Variants in PRKN observed in about 807,000 individuals in gnomAD.
PRKN encodes the protein parkin RBR E3 ubiquitin protein ligase.
PRKN carries 56 observed loss-of-function variants against 59.5 expected under a neutral mutation model. That is an observed-to-expected ratio of 0.94 (90% CI 0.76 to 1.18). The LOEUF is 1.18. PRKN is among the 50% of genes most tolerant of loss of function. The probability of loss-of-function intolerance (pLI) is 0.00; values close to 1 mark genes in which losing one functional copy is unlikely to be tolerated. For synonymous variants in PRKN, 250 were observed against 222.1 expected (o/e 1.13, Z -1.12); for missense variants, 657 against 596.4 (o/e 1.10, Z -1.06).
intron 5 of PRKN, among the ~76,000 whole-genome samples, chr6:161,991,139 C>A (rs918396840): frequency 5.9e-5 from 9 of 152,112 alleles, no homozygotes; most frequent in Non-Finnish European, 1.5e-5. Flanking sequence ...GAATATTCTA[C>A]CAACAAAGCT....
rs568566675 is a variant in PRKN at position 162,620,293 on chromosome 6, C to T, written c.7+107369G>A. Among the ~76,000 whole-genome samples, 7 of 152,214 alleles carry T rather than the reference C, an allele frequency of 4.6e-5. No individual in the cohort carries two copies. The East Asian group carries it at 1.2e-3, about 25-fold the overall frequency. On this transcript the variant is annotated intron_variant, in intron 1 of 11. Transcript: ENST00000366898. ...TTTCAGTGAAAATGAGGAACTGCTG[C>T]GTAGACACTTGATTCCACTTTTTCC... is the stretch of plus-strand genomic sequence containing the variant.
At chr6:162,135,018 AAC>A (rs1380831220) in intron 4 of PRKN, among the ~76,000 whole-genome samples, 2 of 152,224 alleles carry the variant, frequency 1.3e-5, no homozygotes, top group African/African-American at 2.4e-5. Context: ...AACTGGGAAT[AAC>A]ACAGAGCATC....
At chr6:162,414,019 T>TA (rs1487639442) in intron 2 of PRKN, among the ~76,000 whole-genome samples, 14 of 151,932 alleles carry the variant, frequency 9.2e-5, no homozygotes, top group African/African-American at 2.9e-4. Context: ...CTGTCTCTAC[T>TA]AAAAATACAA....
intron 7 of PRKN, among the ~76,000 whole-genome samples, chr6:161,611,387 C>A (rs958888218): frequency 1.3e-5 from 2 of 152,224 alleles, no homozygotes; most frequent in African/African-American, 4.8e-5. Context: ...GGCAACCCTG[C>A]ATCGAGCAAG....
At chr6:161,771,511 C>T (rs1474824629) in intron 7 of PRKN, among the ~76,000 whole-genome samples, 1 of 152,032 alleles carries the variant, frequency 6.6e-6, no homozygotes, top group Non-Finnish European at 1.5e-5. Flanking sequence ...GAATGCTGTT[C>T]TTATTCCTCC....
At chr6:162,372,007 G>A (rs1583455674) in intron 2 of PRKN, among the ~76,000 whole-genome samples, 1 of 152,176 alleles carries the variant, frequency 6.6e-6, no homozygotes, top group East Asian at 1.9e-4. Flanking sequence ...TCTTCAAGAA[G>A]ATGGAGCTGC....
At chr6:161,995,454 A>C (rs538814685) in intron 5 of PRKN, among the ~76,000 whole-genome samples, 1 of 152,284 alleles carries the variant, frequency 6.6e-6, no homozygotes, top group South Asian at 2.1e-4. Flanking sequence ...AGCAAAGGAA[A>C]CAATCAACAG....
At chr6:162,409,978 GAA>G (rs943390348) in intron 2 of PRKN, among the ~76,000 whole-genome samples, 1 of 152,122 alleles carries the variant, frequency 6.6e-6, no homozygotes, top group African/African-American at 2.4e-5. Context: ...TTCCACCAGT[GAA>G]AAAAGTTTTC....
intron 1 of PRKN, among the ~76,000 whole-genome samples, chr6:162,444,515 C>A (rs1790216432): frequency 6.6e-6 from 1 of 151,884 alleles, no homozygotes; most frequent in Admixed American, 6.6e-5. Context: ...CAAAAAACTG[C>A]TGCACACAAC....
intron 7 of PRKN, among the ~76,000 whole-genome samples, chr6:161,746,144 C>T (rs562209458): frequency 1.3e-5 from 2 of 152,310 alleles, no homozygotes; most frequent in African/African-American, 4.8e-5. Flanking sequence ...GAAATAAGGG[C>T]CTGGGTGCCC....
At chr6:161,517,469 G>C (rs2115349348) in intron 9 of PRKN, among the ~76,000 whole-genome samples, 1 of 152,070 alleles carries the variant, frequency 6.6e-6, no homozygotes, top group East Asian at 1.9e-4. Flanking sequence ...GGCCGGGCGT[G>C]GTGGCTCACA....
chr6:161,605,668 C>T (rs552850873), intron 7 of PRKN, among the ~76,000 whole-genome samples: 12 of 152,152 alleles, frequency 7.9e-5, no homozygotes, highest in African/African-American at 1.9e-4. Context: ...CGTGCCACCA[C>T]GCCCAGGTAA....
Position 161,581,041 on chromosome 6 carries a change from AACACAC to A in PRKN, c.872-11631_872-11626del, listed in dbSNP as rs71004055. Among the ~76,000 whole-genome samples, 121 of 137,622 alleles carry A rather than the reference AACACAC, an allele frequency of 8.8e-4. No homozygotes were observed. The highest frequency in any genetic ancestry group is 2.9e-3 in the African/African-American group (105 of 35,974). 90.3% of individuals were successfully genotyped at this position (137,622 alleles called of 152,430 possible). ...ACACAGTGAAATCCTGTCTCTACTA[AACACAC>A]ACACACACACACACACACACACACA... On this transcript the variant is annotated intron_variant, in intron 7 of 11. Transcript: ENST00000366898. This position sits in a 1 kb window ranked among gnomAD's most constrained non-coding sequence, Gnocchi z 4.5.
intron 4 of PRKN, among the ~76,000 whole-genome samples, chr6:162,054,608 C>T (rs919944772): frequency 6.6e-5 from 10 of 152,188 alleles, no homozygotes; most frequent in African/African-American, 2.2e-4. Flanking sequence ...CTAGTCACCA[C>T]AGCTACACAA....
chr6:161,977,989 T>G (rs1781114853), intron 5 of PRKN, among the ~76,000 whole-genome samples: 1 of 150,832 alleles, frequency 6.6e-6, no homozygotes, highest in Non-Finnish European at 1.5e-5. Flanking sequence ...CACCTTTTCT[T>G]GCAGGCTAAT....
chr6:161,564,202 T>C (rs1404431250), intron 8 of PRKN, among the ~76,000 whole-genome samples: 2 of 152,170 alleles, frequency 1.3e-5, no homozygotes, highest in African/African-American at 4.8e-5. Context: ...CTCTGCTTCC[T>C]CTCGGGAGCC....
At chr6:162,572,245 GCTTA>G (rs1780364260) in intron 1 of PRKN, among the ~76,000 whole-genome samples, 1 of 152,112 alleles carries the variant, frequency 6.6e-6, no homozygotes, top group Non-Finnish European at 1.5e-5. Flanking sequence ...CCAAATTATT[GCTTA>G]CTATGATCTC....
chr6:161,746,729 TATCTAGATTCTAGATATGCAC>T (rs1327086165), intron 7 of PRKN, among the ~76,000 whole-genome samples: 2 of 147,516 alleles, frequency 1.4e-5, no homozygotes, highest in African/African-American at 5.0e-5. Flanking sequence ...TATATGTCTA[TATCTAGATTCTAGATATGCAC>T]ATATATATCT....
At chr6:162,170,935 G>A (rs1562556770) in intron 4 of PRKN, among the ~76,000 whole-genome samples, 1 of 152,134 alleles carries the variant, frequency 6.6e-6, no homozygotes, top group African/African-American at 2.4e-5. Flanking sequence ...ATCACAGTAA[G>A]AATTACATAT....
Sources: allele counts gnomAD v4.1 joint callset (sites outside exome capture counted in the v4.1 genomes callset), GRCh38; gene constraint gnomAD v4.1.1; non-coding constraint Gnocchi (gnomAD v3.1); transcripts MANE v1.5; gene names NCBI Gene and HGNC (gene_info 2026-07-23, HGNC 2026-07-21).